ITGA9: variants seen among roughly 807,000 people sequenced by gnomAD.
ITGA9 encodes integrin subunit alpha 9.
Under a neutral mutation model 127.8 loss-of-function variants are expected in ITGA9, and 56 were observed. The ratio of observed to expected loss-of-function variants is 0.44; its 90% CI spans 0.35 to 0.55. The LOEUF is 0.55. ITGA9 is among the 20% of genes least tolerant of loss of function. The probability of loss-of-function intolerance (pLI) is 0.00; values close to 1 mark genes in which losing one functional copy is unlikely to be tolerated. For synonymous variants in ITGA9, 508 were observed against 514.5 expected, an observed-to-expected ratio of 0.99 and a Z score of 0.17; for missense variants, 1,196 against 1,347.1, an observed-to-expected ratio of 0.89 and a Z score of 1.76.
intron 16 of ITGA9, among the ~76,000 whole-genome samples, chr3:37,638,327 G>A (rs927751724): frequency 1.3e-5 from 2 of 151,812 alleles, no homozygotes; most frequent in South Asian, 4.2e-4. Context: ...TTCTAACCAT[G>A]TGATTCTTTG....
At chr3:37,730,999 A>C (rs1344654900) in intron 18 of ITGA9, among the ~76,000 whole-genome samples, 1 of 152,222 alleles carries the variant, frequency 6.6e-6, no homozygotes, top group African/African-American at 2.4e-5. Flanking sequence ...GGACAGACAT[A>C]TTTTAAGAAG....
rs144357060 is a variant in ITGA9, at chr3:37,475,198, C to T, written c.420+1738C>T. Among the ~76,000 whole-genome samples the T allele has an allele frequency of 2.8e-3, 422 of 152,332 alleles. 4 individuals are homozygous for T. Among genetic ancestry groups the T allele is most frequent in the East Asian group, 6.8e-3 (35 of 5,178 alleles). The stretch of plus-strand genomic sequence containing the variant: ...CCCAGAGGGGCTGAACCCTTGTCTG[C>T]CATTCTGGGGAAAGAAAGGGAAGAA... On this transcript the variant is annotated intron_variant, in intron 3 of 27. Coordinates refer to ENST00000264741, the MANE Select transcript of ITGA9 (RefSeq NM_002207.3).
chr3:37,723,757 C>A (rs1436315188), intron 18 of ITGA9, among the ~76,000 whole-genome samples: 2 of 152,192 alleles, frequency 1.3e-5, no homozygotes, highest in Non-Finnish European at 2.9e-5. Context: ...GCCATTGTAG[C>A]CCCATCCCCT....
chr3:37,722,604 A>G (rs1042200025), intron 18 of ITGA9, among the ~76,000 whole-genome samples: 2 of 152,232 alleles, frequency 1.3e-5, no homozygotes, highest in Non-Finnish European at 2.9e-5. Context: ...TCTGTCACTT[A>G]GCGTAATGTT....
At chr3:37,639,701 G>A (rs1227544128) in intron 16 of ITGA9, among the ~76,000 whole-genome samples, 1 of 152,124 alleles carries the variant, frequency 6.6e-6, no homozygotes, top group Non-Finnish European at 1.5e-5. Flanking sequence ...GGTATGGGGA[G>A]GCCAGTTAAG....
At position 37,597,225 on chromosome 3, in the gene ITGA9, T is replaced by C. The variant is rs777860351; in HGVS notation, c.1690-31962T>C. 6.6e-6 allele frequency among the ~76,000 whole-genome samples: 1 copy of C among 152,254 alleles called. No homozygotes were observed. Among genetic ancestry groups the C allele is most frequent in the Non-Finnish European group, 1.5e-5 (1 of 68,042 alleles). ...ATTAAAGCAATGGAAAGACTTTTCATGATCTAAGAGTGATCCAAGAGATAG... is the reference window on the plus strand; with the variant it reads ...ATTAAAGCAATGGAAAGACTTTTCACGATCTAAGAGTGATCCAAGAGATAG... On this transcript the variant is annotated intron_variant, in intron 15 of 27. Coordinates refer to ENST00000264741, the MANE Select transcript of ITGA9 (RefSeq NM_002207.3). This position sits in a 1 kb window ranked among gnomAD's most constrained non-coding sequence, Gnocchi z 4.6.
At chr3:37,720,608 C>T (rs1227197754) in intron 18 of ITGA9, among the ~76,000 whole-genome samples, 2 of 152,124 alleles carry the variant, frequency 1.3e-5, no homozygotes, top group Admixed American at 1.3e-4. Context: ...GAAGGAAAAA[C>T]TTCCTGAGTG....
chr3:37,640,477 C>T (rs763134611), intron 16 of ITGA9, among the ~76,000 whole-genome samples: 4 of 152,176 alleles, frequency 2.6e-5, no homozygotes, highest in Admixed American at 6.5e-5. Flanking sequence ...TCCAAAAACC[C>T]GAACAAAGCT....
chr3:37,579,995 T>C (rs911488062), intron 15 of ITGA9, among the ~76,000 whole-genome samples: 3 of 152,240 alleles, frequency 2.0e-5, no homozygotes, highest in African/African-American at 7.2e-5. Context: ...ATAAAGAATC[T>C]AATAGTTATC....
chr3:37,652,216 C>T (rs577788660), intron 16 of ITGA9, among the ~76,000 whole-genome samples: 1 of 152,282 alleles, frequency 6.6e-6, no homozygotes, highest in South Asian at 2.1e-4. Context: ...GCTGAAGTTT[C>T]ACTAGTGTGG....
intron 15 of ITGA9, among the ~76,000 whole-genome samples, chr3:37,571,881 C>T (rs563692761): frequency 1.5e-4 from 23 of 151,848 alleles, no homozygotes; most frequent in Non-Finnish European, 2.6e-4. Flanking sequence ...TTCATCCTGC[C>T]CTTCTGCTTG....
intron 18 of ITGA9, among the ~76,000 whole-genome samples, chr3:37,690,160 C>G (rs1243176336): frequency 6.6e-6 from 1 of 152,130 alleles, no homozygotes; most frequent in African/African-American, 2.4e-5. Flanking sequence ...CATTGCAGAG[C>G]TAGGGTGGGT....
Position 37,823,494 on chromosome 3 carries a change from A to G in ITGA9, c.*4505A>G, listed in dbSNP as rs544659005. ...AAAACATACATGTTTGGAATAAAAA[A>G]TGGCTGCAAACAATTCAGAAGTTCA... On this transcript the variant is annotated 3_prime_UTR_variant, in exon 28 of 28. Transcript: ENST00000264741. 1.3e-5 allele frequency: 2 copies of G among 152,378 alleles called. No individual in the cohort carries two copies. The highest frequency in any genetic ancestry group is 4.1e-4 in the South Asian group (2 of 4,828). 9.4% of individuals were successfully genotyped at this position (152,378 alleles called of 1,614,324 possible). A position where few individuals can be genotyped will look rare whatever the true frequency, so the allele number is the denominator to read the frequency against.
chr3:37,683,017 G>A (rs1414757851), intron 17 of ITGA9, among the ~76,000 whole-genome samples: 3 of 152,136 alleles, frequency 2.0e-5, no homozygotes, highest in African/African-American at 4.8e-5. Context: ...GTCAAGTCAC[G>A]CTGCTCCTCT....
In ITGA9 at chr3:37,542,498, G is replaced by A; in HGVS notation, c.1602G>A (p.Leu534=). ...AGATGCCCAGGGTCTACTTTGTGCT[G>A]CTGGGAGAGACCATGGGTCAGGTCA... ...KGQMPRVYFV[L]LGETMGQVTE... The change falls in exon 15 of 28, where the codon CTG becomes CTA. Residue 534 remains leucine, a synonymous_variant. Coordinates refer to ENST00000264741, the MANE Select transcript of ITGA9 (RefSeq NM_002207.3). 1.2e-6 allele frequency: 2 copies of A among 1,614,094 alleles called. No homozygotes were observed. Among genetic ancestry groups the A allele is most frequent in the Non-Finnish European group, 1.7e-6 (2 of 1,180,004 alleles).
chr3:37,484,131 A>G (rs929206021), intron 4 of ITGA9, among the ~76,000 whole-genome samples: 27 of 152,310 alleles, frequency 1.8e-4, no homozygotes, highest in Non-Finnish European at 1.0e-4. Context: ...CTTCCTTCCC[A>G]TGGGCGCACA....
intron 20 of ITGA9, among the ~76,000 whole-genome samples, chr3:37,738,139 AT>A (rs1696387227): frequency 6.6e-5 from 10 of 152,198 alleles, no homozygotes. Context: ...GTTATTTTCT[AT>A]TGACACTATT....
chr3:37,616,737 C>T (rs1329135866), intron 15 of ITGA9, among the ~76,000 whole-genome samples: 4 of 149,586 alleles, frequency 2.7e-5, no homozygotes, highest in African/African-American at 7.4e-5. Flanking sequence ...TTTGTCTCTT[C>T]TGATCTTTGT....
At chr3:37,719,588 G>A (rs1349356100) in intron 18 of ITGA9, among the ~76,000 whole-genome samples, 3 of 152,070 alleles carry the variant, frequency 2.0e-5, no homozygotes, top group Admixed American at 2.0e-4. Context: ...ATGACAGTTC[G>A]CCATAGGCGA....
Sources: allele counts gnomAD v4.1 joint callset (sites outside exome capture counted in the v4.1 genomes callset), GRCh38; gene constraint gnomAD v4.1.1; non-coding constraint Gnocchi (gnomAD v3.1); transcripts MANE v1.5; gene names NCBI Gene and HGNC (gene_info 2026-07-23, HGNC 2026-07-21).